Variants in PDGFD observed in about 807,000 individuals in gnomAD.
The protein encoded by PDGFD is platelet derived growth factor D.
A neutral mutation model predicts 44.7 loss-of-function variants in PDGFD; 30 were observed. That is an observed-to-expected ratio of 0.67 (90% CI 0.50 to 0.91). The LOEUF is 0.91. Among genes scored for constraint, PDGFD ranks in the 40% least tolerant of loss-of-function variants. The probability of loss-of-function intolerance (pLI) is 0.00; values close to 1 mark genes in which losing one functional copy is unlikely to be tolerated. For synonymous variants in PDGFD, 173 were observed against 168.4 expected (o/e 1.03, Z -0.21); for missense variants, 445 against 457.8 (o/e 0.97, Z 0.25).
At chr11:104,109,461 T>TA (rs888644126) in intron 1 of PDGFD, among the ~76,000 whole-genome samples, 24 of 151,914 alleles carry the variant, frequency 1.6e-4, no homozygotes, top group Admixed American at 1.1e-3. Context: ...TGATGTATGC[T>TA]AAAAAAAAGT....
At chr11:104,162,639 T>C (rs1349235055) in intron 1 of PDGFD, among the ~76,000 whole-genome samples, 1 of 152,116 alleles carries the variant, frequency 6.6e-6, no homozygotes, top group Non-Finnish European at 1.5e-5. Context: ...AGTCTACTCA[T>C]CATCAGATAA....
chr11:104,163,993 G>T lies in PDGFD; in HGVS notation c.-66C>A. On this transcript the variant is annotated 5_prime_UTR_variant, in exon 1 of 7. Coordinates refer to ENST00000393158, the MANE Select transcript of PDGFD (RefSeq NM_025208.5). The stretch of plus-strand genomic sequence containing the variant: ...GCCGGGTTCTGCTCCCGGGACCGAC[G>T]CCGCGCCGCCCTGCGCTCTCGCCGC... 1.4e-6 allele frequency: 2 copies of T among 1,458,772 alleles called. No homozygotes were observed. 90.4% of individuals were successfully genotyped at this position (1,458,772 alleles called of 1,614,324 possible). A position where few individuals can be genotyped will look rare whatever the true frequency, so the allele number is the denominator to read the frequency against.
intron 1 of PDGFD, among the ~76,000 whole-genome samples, chr11:104,070,945 T>C (rs767795991): frequency 6.6e-5 from 10 of 152,286 alleles, no homozygotes; most frequent in Middle Eastern, 3.4e-3. Flanking sequence ...TAAATGCCTA[T>C]GTATAAAGGT....
intron 1 of PDGFD, among the ~76,000 whole-genome samples, chr11:104,044,561 T>C (rs1303826744): frequency 6.6e-6 from 1 of 152,178 alleles, no homozygotes; most frequent in Non-Finnish European, 1.5e-5. Context: ...AGAATAAATA[T>C]GCTATGGGTT....
intron 3 of PDGFD, 127 bp downstream of exon 3, chr11:103,995,938 G>T: frequency 1.3e-6 from 1 of 799,476 alleles, no homozygotes; most frequent in Non-Finnish European, 1.9e-6. Context: ...CATAAGGTAG[G>T]AACAAACCAT....
chr11:103,915,522 T>A (rs969547229), intron 6 of PDGFD, among the ~76,000 whole-genome samples: 3 of 152,116 alleles, frequency 2.0e-5, no homozygotes, highest in Non-Finnish European at 4.4e-5. Flanking sequence ...CTGCCCAAAG[T>A]AAATTATAGA....
At chr11:104,122,506 A>T (rs1861791472) in intron 1 of PDGFD, among the ~76,000 whole-genome samples, 1 of 151,992 alleles carries the variant, frequency 6.6e-6, no homozygotes, top group South Asian at 2.1e-4. Flanking sequence ...TGCATTTCAC[A>T]GCAGAACCAG....
intron 1 of PDGFD, among the ~76,000 whole-genome samples, chr11:104,115,400 T>G (rs1416991868): frequency 2.0e-5 from 3 of 151,200 alleles, no homozygotes; most frequent in Non-Finnish European, 4.4e-5. Context: ...TTAATATTAT[T>G]AATAAGTAAT....
intron 1 of PDGFD, among the ~76,000 whole-genome samples, chr11:104,068,182 C>T (rs1234720753): frequency 6.6e-6 from 1 of 152,138 alleles, no homozygotes; most frequent in Non-Finnish European, 1.5e-5. Context: ...ACCATACCCA[C>T]ACCTTATATG....
intron 5 of PDGFD, among the ~76,000 whole-genome samples, chr11:103,934,472 T>C (rs986335149): frequency 2.0e-5 from 3 of 152,210 alleles, no homozygotes; most frequent in Non-Finnish European, 4.4e-5. Flanking sequence ...CGTAACACTA[T>C]CCTTTGCAAG....
At chr11:103,934,952 G>A (rs1306244077) in intron 5 of PDGFD, among the ~76,000 whole-genome samples, 2 of 152,090 alleles carry the variant, frequency 1.3e-5, no homozygotes. Flanking sequence ...GCAGTGTAGT[G>A]TCTCCTTAAG....
intron 1 of PDGFD, among the ~76,000 whole-genome samples, chr11:104,131,251 G>A (rs1367555548): frequency 2.0e-5 from 3 of 152,074 alleles, no homozygotes; most frequent in African/African-American, 7.2e-5. Flanking sequence ...TATTTTAAAT[G>A]GCAATCAGAC....
chr11:104,078,651 G>A (rs1056590525), intron 1 of PDGFD, among the ~76,000 whole-genome samples: 1 of 152,182 alleles, frequency 6.6e-6, no homozygotes, highest in African/African-American at 2.4e-5. Context: ...ATCCAAAAAT[G>A]CTTATGAGTA....
chr11:104,036,976 C>A, intron 1 of PDGFD: 1 of 1,614,226 alleles, frequency 6.2e-7, no homozygotes, highest in East Asian at 2.2e-5. Flanking sequence ...CCACATGGAG[C>A]GACTCCTCAT....
chr11:103,998,939 C>A (rs915826492), intron 2 of PDGFD, among the ~76,000 whole-genome samples: 3 of 152,156 alleles, frequency 2.0e-5, no homozygotes, highest in African/African-American at 7.2e-5. Flanking sequence ...CTTTAATAAT[C>A]TTTTAATAGC....
intron 1 of PDGFD, chr11:104,037,611 C>G: frequency 6.2e-7 from 1 of 1,614,040 alleles, no homozygotes. Context: ...ACTCGGGCGC[C>G]CAGATGACCA....
intron 1 of PDGFD, chr11:104,037,309 C>T (rs951750418): frequency 1.2e-6 from 2 of 1,613,402 alleles, no homozygotes; most frequent in African/African-American, 1.3e-5. Flanking sequence ...GCTCAAGGAA[C>T]GCAACCCTCC....
intron 6 of PDGFD, among the ~76,000 whole-genome samples, chr11:103,912,355 C>G (rs1858041222): frequency 6.6e-6 from 1 of 152,154 alleles, no homozygotes. Flanking sequence ...ATTTTCAACC[C>G]AGAATTTCAT....
intron 1 of PDGFD, among the ~76,000 whole-genome samples, chr11:104,108,977 C>T (rs188650435): frequency 4.8e-4 from 72 of 148,604 alleles, no homozygotes; most frequent in Non-Finnish European, 7.7e-4. Flanking sequence ...CGCATGTTCT[C>T]ACTCATAGGT....
Sources: allele counts gnomAD v4.1 joint callset (sites outside exome capture counted in the v4.1 genomes callset), GRCh38; gene constraint gnomAD v4.1.1; transcripts MANE v1.5; gene names NCBI Gene and HGNC (gene_info 2026-07-23, HGNC 2026-07-21).